RUBCN: variants seen among roughly 807,000 people sequenced by gnomAD.
The protein encoded by RUBCN is rubicon autophagy regulator.
In RUBCN, 74 loss-of-function variants were observed where a neutral mutation model predicts 113.2. The ratio of observed to expected loss-of-function variants is 0.65; its 90% CI spans 0.54 to 0.79. RUBCN has a LOEUF of 0.79. RUBCN is among the 30% of genes least tolerant of loss of function. The probability of loss-of-function intolerance (pLI) is 0.00; values close to 1 mark genes in which losing one functional copy is unlikely to be tolerated. For synonymous variants in RUBCN, 480 were observed against 490.0 expected, an observed-to-expected ratio of 0.98 and a Z score of 0.27; for missense variants, 1,109 against 1,251.7, an observed-to-expected ratio of 0.89 and a Z score of 1.72.
chr3:197,744,021 T>C (rs529437348), intron 1 of RUBCN, among the ~76,000 whole-genome samples: 6 of 151,482 alleles, frequency 4.0e-5, no homozygotes, highest in Non-Finnish European at 8.8e-5. Context: ...TATTAGCTAA[T>C]AATTAGTTAT....
intron 16 of RUBCN, among the ~76,000 whole-genome samples, chr3:197,679,842 C>G (rs1361745067): frequency 2.3e-5 from 3 of 127,986 alleles, no homozygotes; most frequent in Admixed American, 8.1e-5. Flanking sequence ...ACAACTGGCT[C>G]CAGACTGTCC....
rs1721580447 is a variant in RUBCN at position 197,684,213 on chromosome 3, A to G, written c.1791T>C (p.Ala597=). The change falls in exon 12 of 20, where the codon GCT becomes GCC. Residue 597 remains alanine (A), a synonymous_variant. Transcript: ENST00000296343. ...TTGAGGCTGTGTTCCTTCTGATGTC[A>G]GCATCTACATGGAAACCAGAGATAA... ...DEVDEFEIQD[A]DIRRNTASSS... 6.2e-7 allele frequency: 1 copy of G among 1,613,548 alleles called. No homozygotes were observed. Among genetic ancestry groups the G allele is most frequent in the Non-Finnish European group, 8.5e-7 (1 of 1,179,482 alleles).
At chr3:197,694,617 G>C in intron 9 of RUBCN, 32 bp from the exon 10 acceptor site, 1 of 1,569,904 alleles carries the variant, frequency 6.4e-7, no homozygotes, top group Non-Finnish European at 8.8e-7. Flanking sequence ...ACAGGCAAAG[G>C]GTTAGAAGTA....
Position 197,669,550 on chromosome 3 carries a change from CATGACATCCA to C in RUBCN, c.*5458_*5467del, listed in dbSNP as rs1300747614. On this transcript the variant is annotated 3_prime_UTR_variant, in exon 20 of 20. Coordinates refer to ENST00000296343, the MANE Select transcript of RUBCN (RefSeq NM_014687.4). ...ACCCCTTTCATTGTATTAGTAGGTA[CATGACATCCA>C]ATGACATCTTTGGAGATGTTAACGT... is the stretch of plus-strand genomic sequence containing the variant. 2.0e-5 allele frequency among the ~76,000 whole-genome samples: 3 copies of C among 152,182 alleles called. No individual in the cohort carries two copies. Among genetic ancestry groups the C allele is most frequent in the African/African-American group, 7.2e-5 (3 of 41,440 alleles).
chr3:197,742,631 A>G (rs746870002), intron 1 of RUBCN, among the ~76,000 whole-genome samples: 6 of 152,258 alleles, frequency 3.9e-5, no homozygotes, highest in Non-Finnish European at 5.9e-5. Context: ...GAAGAGGGTC[A>G]GAGCTTGAGT....
In RUBCN at chr3:197,676,741, C is replaced by G. The variant is rs1247878299; in HGVS notation, c.2646+144G>C. The stretch of plus-strand genomic sequence containing the variant: ...TTTGGCTGCTCTCCAGGCTAAGGAA[C>G]AGCAGCCCTTTCCAGTTCCTCTCCC... On this transcript the variant is annotated intron_variant, in intron 18 of 19. Transcript: ENST00000296343. The G allele has an allele frequency of 1.9e-5, 29 of 1,530,088 alleles. 1 individual carries two copies. The highest frequency in any genetic ancestry group is 2.1e-5 in the Non-Finnish European group (24 of 1,145,674). 94.8% of individuals were successfully genotyped at this position (1,530,088 alleles called of 1,614,324 possible).
At chr3:197,721,302 G>A (rs1451435986) in intron 1 of RUBCN, among the ~76,000 whole-genome samples, 1 of 152,164 alleles carries the variant, frequency 6.6e-6, no homozygotes, top group Non-Finnish European at 1.5e-5. Flanking sequence ...TTATTGGTGT[G>A]TCCAGGTTTT....
intron 9 of RUBCN, among the ~76,000 whole-genome samples, chr3:197,694,810 C>T (rs1040929653): frequency 6.6e-6 from 1 of 152,142 alleles, no homozygotes; most frequent in African/African-American, 2.4e-5. Flanking sequence ...CTCATTTCTA[C>T]ATAAAAATAT....
At chr3:197,737,175 C>T (rs1283271153), upstream of RUBCN, 2 of 200,484 alleles carry the variant, frequency 1.0e-5, no homozygotes, top group African/African-American at 2.4e-5. Flanking sequence ...GAATCCGTGC[C>T]GGGGCGTATC....
chr3:197,729,393 C>T (rs1351496196), intron 1 of RUBCN, among the ~76,000 whole-genome samples: 1 of 152,022 alleles, frequency 6.6e-6, no homozygotes, highest in Non-Finnish European at 1.5e-5. Flanking sequence ...GCTGGGACTA[C>T]AGGCGCCCGC....
intron 1 of RUBCN, among the ~76,000 whole-genome samples, chr3:197,721,379 T>G (rs1726145266): frequency 6.6e-6 from 1 of 152,164 alleles, no homozygotes; most frequent in Non-Finnish European, 1.5e-5. Flanking sequence ...TCTTCTAGGT[T>G]TTCCAATTTG....
chr3:197,703,574 G>A lies in RUBCN; in HGVS notation c.544C>T (p.Leu182Phe). The change falls in exon 5 of 20, where the codon CTC becomes TTC. Residue 182 changes from leucine (L) to phenylalanine (F), a missense_variant. Coordinates refer to ENST00000296343, the MANE Select transcript of RUBCN (RefSeq NM_014687.4). ...ATGGACGCATCGATCTGAGCCAGGA[G>A]GCGGGGGTTGTTCTGTTCCACTGCT... The part of the protein sequence containing the change: ...LEAVEQNNPR[L>F]LAQIDASMFA... 2 of 1,613,568 alleles carry A rather than the reference G, an allele frequency of 1.2e-6. No homozygotes were observed. The highest frequency in any genetic ancestry group is 1.7e-6 in the Non-Finnish European group (2 of 1,179,508).
At chr3:197,725,843 T>C (rs1726684174) in intron 1 of RUBCN, among the ~76,000 whole-genome samples, 1 of 152,180 alleles carries the variant, frequency 6.6e-6, no homozygotes, top group Non-Finnish European at 1.5e-5. Flanking sequence ...CTCCTTAGCA[T>C]GGAGGTGAAA....
intron 2 of RUBCN, among the ~76,000 whole-genome samples, chr3:197,710,013 T>C (rs1724776797): frequency 6.6e-6 from 1 of 151,198 alleles, no homozygotes; most frequent in Non-Finnish European, 1.5e-5. Context: ...CTACTAAAAA[T>C]ACAAAAATTA....
intron 2 of RUBCN, among the ~76,000 whole-genome samples, chr3:197,715,906 A>G (rs566487260): frequency 1.3e-5 from 2 of 152,354 alleles, no homozygotes; most frequent in Admixed American, 1.3e-4. Context: ...AGATAGTAAT[A>G]ACAAAAGTCT....
chr3:197,698,733 C>A (rs903163101), intron 7 of RUBCN, among the ~76,000 whole-genome samples: 7 of 150,572 alleles, frequency 4.6e-5, no homozygotes, highest in African/African-American at 1.7e-4. Flanking sequence ...GTGGATCACG[C>A]CTGTAATCCC....
At position 197,697,031 on chromosome 3, in the gene RUBCN, G is replaced by T. The variant is rs1027777658; in HGVS notation, c.1280C>A (p.Ala427Glu). Residue 427 changes from alanine to glutamate, a missense_variant, in exon 8 of 20, where the codon GCG becomes GAG. Physicochemically the swap from Ala to Glu is moderately radical, Grantham distance 107. This residue lies in a region of RUBCN where 736 missense variants were observed against 779.6 expected (regional missense o/e 0.94). Coordinates refer to ENST00000296343, the MANE Select transcript of RUBCN (RefSeq NM_014687.4). ...RGAPESCNDK[A>E]KLRGPLPYSG... ...GTAGGGCAAAGGGCCTCTCAACTTCGCCTTATCATTGCAGGATTCTAATGA... is the reference window on the plus strand; with the variant it reads ...GTAGGGCAAAGGGCCTCTCAACTTCTCCTTATCATTGCAGGATTCTAATGA... 1 of 1,594,628 alleles carries T rather than the reference G, an allele frequency of 6.3e-7. No homozygotes were observed. Among genetic ancestry groups the T allele is most frequent in the Non-Finnish European group, 8.6e-7 (1 of 1,162,348 alleles).
intron 3 of RUBCN, 64 bp downstream of exon 3, chr3:197,705,028 A>T: frequency 7.9e-7 from 1 of 1,272,552 alleles, no homozygotes; most frequent in Non-Finnish European, 1.1e-6. Context: ...GATTCTTCTG[A>T]CAGAGCCTCA....
At chr3:197,723,923 C>T (rs148364099) in intron 1 of RUBCN, among the ~76,000 whole-genome samples, 16 of 152,082 alleles carry the variant, frequency 1.1e-4, no homozygotes, top group Non-Finnish European at 1.8e-4. Flanking sequence ...GGAAAAACCC[C>T]GTTCTCTACT....
Sources: gnomAD v4.1 joint callset for allele counts (sites outside exome capture counted in the v4.1 genomes callset) on GRCh38, gnomAD v4.1.1 for gene constraint, gnomAD v4.1.1 regional missense constraint, MANE v1.5 for transcripts, NCBI Gene and HGNC (gene_info 2026-07-23, HGNC 2026-07-21) for gene names.